Variants in CNTN4 observed in about 807,000 individuals in gnomAD.
CNTN4 encodes the protein contactin-4.
Under a neutral mutation model 122.5 loss-of-function variants are expected in CNTN4, and 77 were observed. The ratio of observed to expected loss-of-function variants is 0.63; its 90% CI spans 0.52 to 0.76. The LOEUF is 0.76. Among genes scored for constraint, CNTN4 ranks in the 30% least tolerant of loss-of-function variants. CNTN4 has a pLI of 0.00. For missense variants in CNTN4, 1,256 were observed against 1,259.1 expected, an observed-to-expected ratio of 1.00 and a Z score of 0.04; for synonymous variants, 512 against 447.0, an observed-to-expected ratio of 1.15 and a Z score of -1.83.
chr3:2,120,374 A>AATATATATATATATATATATATAAATAT (rs2033654107), intron 2 of CNTN4, among the ~76,000 whole-genome samples: 1 of 59,086 alleles, frequency 1.7e-5, no homozygotes, highest in Non-Finnish European at 3.2e-5. Flanking sequence ...TATATATATA[A>AATATATATATATATATATATATAAATAT]ATATATATAT....
At chr3:2,821,242 T>A (rs1262673937) in intron 7 of CNTN4, among the ~76,000 whole-genome samples, 1 of 152,012 alleles carries the variant, frequency 6.6e-6, no homozygotes, top group Admixed American at 6.6e-5. Context: ...CAGGCATGAG[T>A]CACTGCACCT....
intron 2 of CNTN4, among the ~76,000 whole-genome samples, chr3:2,108,313 A>G (rs1001638978): frequency 6.6e-6 from 1 of 152,126 alleles, no homozygotes; most frequent in Admixed American, 6.5e-5. Flanking sequence ...ATTGAGGCAT[A>G]AAGAATGGCT....
At chr3:2,735,551 G>C (rs1280677491) in intron 4 of CNTN4, among the ~76,000 whole-genome samples, 1 of 152,170 alleles carries the variant, frequency 6.6e-6, no homozygotes, top group Non-Finnish European at 1.5e-5. Context: ...AGACCAGTTT[G>C]GGCGTTACTG....
In CNTN4 at chr3:2,674,759, A is replaced by C. The variant is rs561720361; in HGVS notation, c.56-61456A>C. Among the ~76,000 whole-genome samples the C allele has an allele frequency of 4.5e-4, 66 of 146,002 alleles. No homozygotes were observed. The South Asian group carries it at 0.015, about 32-fold the overall frequency. On this transcript the variant is annotated intron_variant, in intron 4 of 24. Transcript: ENST00000418658. ...GGTGACAGGATGAGACTTCGTCTCAAAAAACAAACAAACAAAAAAACAAAA... is the reference window on the plus strand; with the variant it reads ...GGTGACAGGATGAGACTTCGTCTCACAAAACAAACAAACAAAAAAACAAAA...
chr3:2,242,759 A>G (rs1390011124), intron 2 of CNTN4, among the ~76,000 whole-genome samples: 2 of 152,126 alleles, frequency 1.3e-5, no homozygotes, highest in Non-Finnish European at 1.5e-5. Flanking sequence ...GACTAATAAT[A>G]TCATGCATCA....
chr3:2,495,501 A>G (rs1342224221), intron 3 of CNTN4, among the ~76,000 whole-genome samples: 7 of 152,176 alleles, frequency 4.6e-5, no homozygotes, highest in South Asian at 2.1e-4. Context: ...TTGGTCCCCA[A>G]TCCCCAGGCC....
At chr3:2,518,237 A>G (rs1017279427) in intron 3 of CNTN4, among the ~76,000 whole-genome samples, 34 of 147,610 alleles carry the variant, frequency 2.3e-4, no homozygotes, top group South Asian at 6.4e-4. Context: ...GTGTGTGTGC[A>G]CACACGCACA....
At chr3:2,292,516 GA>G (rs201663328) in intron 2 of CNTN4, among the ~76,000 whole-genome samples, 3,399 of 152,222 alleles carry the variant, frequency 0.022, 124 homozygotes, top group African/African-American at 0.078. Flanking sequence ...CTACTACTCA[GA>G]TAAAGATATA....
chr3:2,538,260 C>A (rs761773433), intron 3 of CNTN4, among the ~76,000 whole-genome samples: 1 of 152,084 alleles, frequency 6.6e-6, no homozygotes, highest in Non-Finnish European at 1.5e-5. Flanking sequence ...GCCCCACTGA[C>A]ACTTTGATCT....
intron 3 of CNTN4, among the ~76,000 whole-genome samples, chr3:2,492,481 C>T (rs1028381484): frequency 8.5e-5 from 13 of 152,062 alleles, no homozygotes; most frequent in Non-Finnish European, 1.8e-4. Flanking sequence ...ATTGACAGAA[C>T]GAGAGAGCAG....
intron 4 of CNTN4, among the ~76,000 whole-genome samples, chr3:2,606,274 C>A (rs1029058510): frequency 6.6e-6 from 1 of 151,972 alleles, no homozygotes; most frequent in African/African-American, 2.4e-5. Flanking sequence ...AAACGGAGAA[C>A]AATATAACCT....
chr3:2,536,830 G>A (rs2077826576), intron 3 of CNTN4, among the ~76,000 whole-genome samples: 2 of 152,112 alleles, frequency 1.3e-5, no homozygotes, highest in Admixed American at 6.6e-5. Flanking sequence ...ATATTGAGTA[G>A]ATGTTGTAGA....
At chr3:2,462,407 G>A (rs78573138) in intron 3 of CNTN4, among the ~76,000 whole-genome samples, 1,549 of 152,264 alleles carry the variant, frequency 0.01, 39 homozygotes, top group African/African-American at 0.035. Context: ...ATGAAAGAAT[G>A]GGAACTCAGT....
chr3:2,600,999 C>A (rs562389565), intron 4 of CNTN4, among the ~76,000 whole-genome samples: 2 of 152,270 alleles, frequency 1.3e-5, no homozygotes, highest in Middle Eastern at 3.4e-3. Flanking sequence ...TAAATGTCTT[C>A]TTTTGAGAAG....
At chr3:2,505,862 T>C (rs1362355445) in intron 3 of CNTN4, among the ~76,000 whole-genome samples, 1 of 152,208 alleles carries the variant, frequency 6.6e-6, no homozygotes, top group African/African-American at 2.4e-5. Flanking sequence ...GTTCTAAAAT[T>C]AAGCCTTTCC....
At chr3:2,418,304 A>C (rs1439850026) in intron 3 of CNTN4, among the ~76,000 whole-genome samples, 4 of 151,180 alleles carry the variant, frequency 2.6e-5, no homozygotes, top group East Asian at 3.9e-4. Flanking sequence ...AGCTGCCTAG[A>C]AAAAATAAAG....
intron 4 of CNTN4, among the ~76,000 whole-genome samples, chr3:2,636,816 G>A: frequency 6.6e-6 from 1 of 151,728 alleles, no homozygotes; most frequent in Non-Finnish European, 1.5e-5. Context: ...AAAGGCAGTG[G>A]CTTTAGAATT....
intron 2 of CNTN4, among the ~76,000 whole-genome samples, chr3:2,170,261 A>G (rs112978351): frequency 0.039 from 5,998 of 151,922 alleles, 383 homozygotes; most frequent in East Asian, 0.33. Context: ...CGGAGCTTGC[A>G]GTGAGCCGAG....
chr3:2,327,311 A>G lies in CNTN4; in HGVS notation c.-144-11867A>G, dbSNP rs575686875. ...AATTAGTCAAGAAATCAATCCTGGAAGTTATTGTGTGTGTAGCTCAATTCA... is the reference window on the plus strand; with the variant it reads ...AATTAGTCAAGAAATCAATCCTGGAGGTTATTGTGTGTGTAGCTCAATTCA... On this transcript the variant is annotated intron_variant, in intron 2 of 24. Coordinates refer to ENST00000418658, the MANE Select transcript of CNTN4 (RefSeq NM_175607.3). 2.6e-4 allele frequency among the ~76,000 whole-genome samples: 40 copies of G among 152,314 alleles called. 1 individual carries two copies. The South Asian group carries it at 3.3e-3, about 13-fold the overall frequency.
Sources: gnomAD v4.1 joint callset for allele counts (sites outside exome capture counted in the v4.1 genomes callset) on GRCh38, gnomAD v4.1.1 for gene constraint, MANE v1.5 for transcripts, NCBI Gene and HGNC (gene_info 2026-07-23, HGNC 2026-07-21) for gene names.